Variants in CEP192 observed in about 807,000 individuals in gnomAD.
The protein encoded by CEP192 is centrosomal protein of 192 kDa.
In CEP192, 151 loss-of-function variants were observed where a neutral mutation model predicts 271.8. The observed-to-expected ratio is 0.56, with a 90% CI of 0.49 to 0.64. CEP192 has a LOEUF of 0.64. CEP192 is among the 30% of genes least tolerant of loss of function. The pLI, the probability that CEP192 is intolerant of heterozygous loss-of-function variation, is 0.00. For missense variants in CEP192, 2,910 were observed against 3,020.5 expected (o/e 0.96, Z 0.86); for synonymous variants, 995 against 1,076.5 (o/e 0.92, Z 1.48).
At chr18:13,059,420 A>G (rs1488983469) in intron 21 of CEP192, 108 bp downstream of exon 21, 2 of 799,796 alleles carry the variant, frequency 2.5e-6, no homozygotes, top group East Asian at 5.2e-5. Context: ...AGGTGCCACA[A>G]AATTAGTTTC....
chr18:13,083,515 C>T (rs2038736700), intron 30 of CEP192, among the ~76,000 whole-genome samples: 1 of 152,192 alleles, frequency 6.6e-6, no homozygotes, highest in African/African-American at 2.4e-5. Flanking sequence ...AGCCATTCGT[C>T]TAATCTTTTT....
At chr18:13,070,466 G>C (rs1011820615) in intron 27 of CEP192, among the ~76,000 whole-genome samples, 1 of 152,184 alleles carries the variant, frequency 6.6e-6, no homozygotes. Context: ...AGTTGACCTT[G>C]TCAGCTATTA....
intron 30 of CEP192, among the ~76,000 whole-genome samples, chr18:13,081,587 C>T (rs1337382936): frequency 3.3e-5 from 5 of 152,168 alleles, no homozygotes; most frequent in Non-Finnish European, 7.3e-5. Flanking sequence ...AAAAAACCAG[C>T]TCCTGGATTC....
chr18:12,994,437 GGA>G (rs1311853112), intron 1 of CEP192, among the ~76,000 whole-genome samples: 2 of 152,086 alleles, frequency 1.3e-5, no homozygotes, highest in South Asian at 2.1e-4. Context: ...TGAGAGGGTG[GGA>G]GAGAGTGACA....
chr18:13,055,683 G>T, intron 18 of CEP192, 97 bp from the exon 19 acceptor site: 3 of 823,338 alleles, frequency 3.6e-6, no homozygotes, highest in South Asian at 2.0e-5. Flanking sequence ...GACACCTCAT[G>T]CACATCTCTT....
intron 24 of CEP192, 105 bp from the exon 25 acceptor site, chr18:13,068,747 C>T (rs1427110771): frequency 5.0e-6 from 6 of 1,201,350 alleles, no homozygotes; most frequent in Non-Finnish European, 5.9e-6. Context: ...ATCTGCTTGC[C>T]TAAATTTTCT....
chr18:13,076,688 A>C (rs534328215), intron 30 of CEP192, among the ~76,000 whole-genome samples: 1 of 152,334 alleles, frequency 6.6e-6, no homozygotes, highest in Non-Finnish European at 1.5e-5. Context: ...AAAAAGAAAA[A>C]TTAGAAACAT....
Position 13,029,673 on chromosome 18 carries a change from G to C in CEP192, c.1061G>C (p.Ser354Thr), listed in dbSNP as rs1210733405. 1.3e-6 allele frequency: 2 copies of C among 1,504,688 alleles called. No individual in the cohort carries two copies. The highest frequency in any genetic ancestry group is 1.8e-6 in the Non-Finnish European group (2 of 1,119,052). The allele number at this position is 1,504,688 out of a possible 1,614,324, so 93.2% of individuals were successfully genotyped here. A position where few individuals can be genotyped will look rare whatever the true frequency, so the allele number is the denominator to read the frequency against. The change falls in exon 10 of 45, where the codon AGT (serine) becomes ACT (threonine). Residue 354 changes from serine (S) to threonine (T), a missense_variant. By Grantham distance (58) the Ser-to-Thr change is moderately conservative. Coordinates refer to ENST00000506447, the MANE Select transcript of CEP192 (RefSeq NM_032142.4). ...TTTTTTGTTTTAAAGGAATGTGCAA[G>C]TAAAGATGTTCTGGTGAAGACCCTC... ...IVPDLNSECA[S>T]KDVLVKTLRA...
intron 6 of CEP192, among the ~76,000 whole-genome samples, chr18:13,016,099 A>AAG (rs2034631163): frequency 6.6e-6 from 1 of 152,144 alleles, no homozygotes; most frequent in South Asian, 2.1e-4. Context: ...AGGTGCAGAG[A>AAG]AGAGATGCAG....
At chr18:13,068,532 C>T in intron 24 of CEP192, 110 bp downstream of exon 24, 3 of 987,800 alleles carry the variant, frequency 3.0e-6, no homozygotes, top group Non-Finnish European at 4.5e-6. Context: ...AATCTGTCAA[C>T]TATTTTATGT....
At chr18:13,113,127 GT>G (rs1417993664) in intron 40 of CEP192, among the ~76,000 whole-genome samples, 1 of 152,168 alleles carries the variant, frequency 6.6e-6, no homozygotes, top group Non-Finnish European at 1.5e-5. Flanking sequence ...CGCTTGTCTT[GT>G]TCTGCCTCCT....
At chr18:13,099,746 A>G (rs1448164193) in intron 37 of CEP192, among the ~76,000 whole-genome samples, 165 bp downstream of exon 37, 1 of 152,238 alleles carries the variant, frequency 6.6e-6, no homozygotes, top group African/African-American at 2.4e-5. Flanking sequence ...CACAGATTGA[A>G]ATTATTTGGG....
intron 22 of CEP192, 69 bp downstream of exon 22, chr18:13,068,025 A>G: frequency 3.7e-6 from 6 of 1,601,830 alleles, no homozygotes; most frequent in Non-Finnish European, 5.1e-6. Context: ...CATTTTTTTA[A>G]GGATTTTGTT....
In CEP192 at chr18:13,049,622, G is replaced by A. The variant is rs1598448458; in HGVS notation, c.2831G>A (p.Ser944Asn). The A allele has an allele frequency of 1.2e-6, 2 of 1,613,636 alleles. No homozygotes were observed. The highest frequency in any genetic ancestry group is 2.2e-5 in the East Asian group (1 of 44,868). The stretch of plus-strand genomic sequence containing the variant: ...CAAAATGAGTGTGTCAGTGAAATAA[G>A]CAACAGTGAGAAGCATGTGACTTTT... ...QRQNECVSEI[S>N]NSEKHVTFEN... The change falls in exon 16 of 45, where the codon AGC becomes AAC. Residue 944 changes from serine to asparagine, a missense_variant. Transcript: ENST00000506447.
At chr18:13,046,905 C>T (rs2036515345) in intron 15 of CEP192, among the ~76,000 whole-genome samples, 1 of 149,144 alleles carries the variant, frequency 6.7e-6, no homozygotes, top group African/African-American at 2.5e-5. Context: ...TCTTTATCTC[C>T]CTGTTACTCT....
chr18:13,123,963 T>G (rs1241390693), intron 44 of CEP192, among the ~76,000 whole-genome samples: 1 of 152,056 alleles, frequency 6.6e-6, no homozygotes, highest in African/African-American at 2.4e-5. Context: ...AGTTTGAGAT[T>G]AGCCTGGCCG....
chr18:13,067,297 G>A (rs116786087), intron 21 of CEP192, among the ~76,000 whole-genome samples: 2,227 of 152,166 alleles, frequency 0.015, 56 homozygotes, highest in African/African-American at 0.047. Context: ...TTTGATATCC[G>A]GTGGGGGTTC....
intron 33 of CEP192, 22 bp downstream of exon 33, chr18:13,089,587 G>T: frequency 8.6e-7 from 1 of 1,164,746 alleles, no homozygotes; most frequent in South Asian, 1.3e-5. Context: ...GGCGTGTCTT[G>T]ATGTATTAAA....
Position 13,059,283 on chromosome 18 carries a change from A to G in CEP192, c.4459A>G (p.Thr1487Ala), listed in dbSNP as rs1475215845. The change falls in exon 21 of 45, where the codon ACT becomes GCT. Residue 1487 changes from threonine (T) to alanine (A), a missense_variant. Thr to Ala is a moderately conservative substitution (Grantham distance 58). Coordinates refer to ENST00000506447, the MANE Select transcript of CEP192 (RefSeq NM_032142.4). ...AEALASTVTLTAIAESPVIEV... is the reference protein window; with the variant it reads ...AEALASTVTLAAIAESPVIEV... ...AGCTTTGGCCAGCACCGTCACTCTCACTGCCATTGCCGAGAGTCCTGTTAT... is the reference window on the plus strand; with the variant it reads ...AGCTTTGGCCAGCACCGTCACTCTCGCTGCCATTGCCGAGAGTCCTGTTAT... 6.2e-7 allele frequency: 1 copy of G among 1,614,014 alleles called. No individual in the cohort carries two copies. The highest frequency in any genetic ancestry group is 8.5e-7 in the Non-Finnish European group (1 of 1,179,856).
Sources: gnomAD v4.1 joint callset for allele counts (sites outside exome capture counted in the v4.1 genomes callset) on GRCh38, gnomAD v4.1.1 for gene constraint, MANE v1.5 for transcripts, NCBI Gene and HGNC (gene_info 2026-07-23, HGNC 2026-07-21) for gene names.